Variants in HMCN2 observed in about 807,000 individuals in gnomAD.
HMCN2 encodes the protein hemicentin-2.
A neutral mutation model predicts 377.5 loss-of-function variants in HMCN2; 325 were observed. The observed-to-expected ratio is 0.86, with a 90% CI of 0.79 to 0.94. The LOEUF is 0.94. HMCN2 is among the 40% of genes least tolerant of loss of function. HMCN2 has a pLI of 0.00. For missense variants in HMCN2, 4,543 were observed against 4,725.3 expected (o/e 0.96, Z 1.13); for synonymous variants, 2,007 against 2,046.8 (o/e 0.98, Z 0.53).
intron 1 of HMCN2, among the ~76,000 whole-genome samples, chr9:130,279,739 C>T (rs1385714298): frequency 4.6e-5 from 7 of 152,250 alleles, no homozygotes; most frequent in South Asian, 4.1e-4. Flanking sequence ...TGGTGAAAGC[C>T]GTGGTAGGGT....
At chr9:130,317,879 C>T (rs903335210) in intron 15 of HMCN2, among the ~76,000 whole-genome samples, 22 of 152,122 alleles carry the variant, frequency 1.4e-4, no homozygotes, top group African/African-American at 5.3e-4. Flanking sequence ...TGAAAGCGGT[C>T]TGGGAGGAGA....
At chr9:130,345,190 T>C (rs1370033507) in intron 25 of HMCN2, among the ~76,000 whole-genome samples, 1 of 143,600 alleles carries the variant, frequency 7.0e-6, no homozygotes, top group Non-Finnish European at 1.5e-5. Flanking sequence ...GTGTGTGTAG[T>C]GTGGTTTGTG....
intron 86 of HMCN2, among the ~76,000 whole-genome samples, chr9:130,419,738 G>A (rs143505088): frequency 3.4e-5 from 5 of 146,036 alleles, no homozygotes; most frequent in South Asian, 2.1e-4. Flanking sequence ...CATCTCCCTC[G>A]CTGTCCCTGG....
chr9:130,379,153 C>A, intron 53 of HMCN2, 96 bp from the exon 54 acceptor site: 1 of 288,222 alleles, frequency 3.5e-6, no homozygotes, highest in Non-Finnish European at 5.2e-6. Context: ...TAATGGATTT[C>A]CGCTTGGGAG....
At chr9:130,278,997 A>C (rs1554924626) in intron 1 of HMCN2, among the ~76,000 whole-genome samples, 1 of 150,768 alleles carries the variant, frequency 6.6e-6, no homozygotes, top group African/African-American at 2.4e-5. Flanking sequence ...CCCTGGGTTC[A>C]AGTGATTCTC....
chr9:130,374,180 T>A (rs1473168213), intron 48 of HMCN2, among the ~76,000 whole-genome samples: 1 of 150,406 alleles, frequency 6.6e-6, no homozygotes, highest in African/African-American at 2.4e-5. Context: ...GGTGAGTAGG[T>A]AGATGAATGG....
chr9:130,398,751 C>A, intron 75 of HMCN2, 44 bp downstream of exon 75: 1 of 1,205,626 alleles, frequency 8.3e-7, no homozygotes, highest in South Asian at 1.3e-5. Flanking sequence ...ACGCACAGGG[C>A]GGGGAGGCAC....
At chr9:130,374,785 T>A in intron 49 of HMCN2, 92 bp downstream of exon 49, 2 of 563,846 alleles carry the variant, frequency 3.5e-6, no homozygotes, top group Non-Finnish European at 4.5e-6. Flanking sequence ...CCACAAACCA[T>A]TCTACTATTT....
At chr9:130,371,425 A>C (rs1321539359) in intron 46 of HMCN2, among the ~76,000 whole-genome samples, 2 of 151,574 alleles carry the variant, frequency 1.3e-5, no homozygotes, top group East Asian at 1.9e-4. Context: ...AAAAAAAAAA[A>C]ACAAACTTTG....
At chr9:130,302,010 G>A (rs1554934572) in intron 8 of HMCN2, among the ~76,000 whole-genome samples, 1 of 151,962 alleles carries the variant, frequency 6.6e-6, no homozygotes, top group Non-Finnish European at 1.5e-5. Flanking sequence ...TCTCAAAAAT[G>A]TGTGTGAATT....
intron 46 of HMCN2, 128 bp downstream of exon 46, chr9:130,371,259 C>T (rs1313069552): frequency 2.5e-6 from 1 of 405,070 alleles, no homozygotes; most frequent in East Asian, 1.6e-4. Flanking sequence ...ATTCCAGCTG[C>T]TGGTCCCCAA....
At chr9:130,395,372 G>T (rs767098489) in intron 71 of HMCN2, 25 bp downstream of exon 71, 2 of 1,277,388 alleles carry the variant, frequency 1.6e-6, no homozygotes, top group South Asian at 1.3e-5. Context: ...GGGCCCCAGG[G>T]TGCTGCCTTC....
At chr9:130,286,106 C>T in intron 3 of HMCN2, 82 bp from the exon 4 acceptor site, 3 of 453,896 alleles carry the variant, frequency 6.6e-6, no homozygotes, top group South Asian at 4.9e-5. Flanking sequence ...CCAGGTCACT[C>T]CACCCTGGTC....
chr9:130,355,179 A>G (rs1408191425), intron 32 of HMCN2, 135 bp downstream of exon 32: 1 of 726,164 alleles, frequency 1.4e-6, no homozygotes, highest in Non-Finnish European at 1.9e-6. Context: ...ACATTGCATG[A>G]CACAGATGAG....
intron 22 of HMCN2, 27 bp from the exon 23 acceptor site, chr9:130,337,867 T>A (rs1221151865): frequency 1.3e-5 from 2 of 151,068 alleles, no homozygotes; most frequent in African/African-American, 4.9e-5. Context: ...TCAGTGGGGG[T>A]CTCACCAGTG....
At position 130,429,647 on chromosome 9, in the gene HMCN2, G is replaced by A; in HGVS notation, c.14288G>A (p.Arg4763Lys). The change falls in exon 94 of 98, where the codon AGG becomes AAG. Residue 4763 changes from arginine (R) to lysine (K), a missense_variant. Around this residue, in one of 5 missense-constraint regions of HMCN2, gnomAD observed 1,155 missense variants for 1,157.7 expected, o/e 1.00. Coordinates refer to ENST00000683500, the MANE Select transcript of HMCN2 (RefSeq NM_001291815.2). ...GGCGGTCACCGCTGCAGCTGCCCCAGGGGTTACCGGATGCAGGGCCCCAGC... is the reference window on the plus strand; with the variant it reads ...GGCGGTCACCGCTGCAGCTGCCCCAAGGGTTACCGGATGCAGGGCCCCAGC... Reference protein sequence around the residue: ...TPGGHRCSCPRGYRMQGPSLP... With the variant: ...TPGGHRCSCPKGYRMQGPSLP... The A allele has an allele frequency of 6.5e-7, 1 of 1,546,882 alleles. No individual in the cohort carries two copies. The highest frequency in any genetic ancestry group is 1.4e-5 in the African/African-American group (1 of 73,004).
Position 130,375,662 on chromosome 9 carries a change from T to C in HMCN2, c.7730T>C (p.Phe2577Ser). Residue 2577 changes from phenylalanine to serine, a missense_variant, in exon 50 of 98, where the codon TTC (phenylalanine) becomes TCC (serine). Phe to Ser is a radical substitution (Grantham distance 155, BLOSUM62 -2). Transcript: ENST00000683500. ...TCTCTGATCTGCGAGGCCCTGGCCT[T>C]CCCTTCCCCCAACATCACCTGGATG... ...PISLICEALAFPSPNITWMKD... is the reference protein window; with the variant it reads ...PISLICEALASPSPNITWMKD... The C allele has an allele frequency of 1.0e-6, 1 of 985,914 alleles. No individual in the cohort carries two copies. The highest frequency in any genetic ancestry group is 1.2e-6 in the Non-Finnish European group (1 of 829,986). The allele number at this position is 985,914 out of a possible 1,614,324, so 61.1% of individuals were successfully genotyped here. A position where few individuals can be genotyped will look rare whatever the true frequency, so the allele number is the denominator to read the frequency against.
intron 1 of HMCN2, among the ~76,000 whole-genome samples, chr9:130,280,461 C>T (rs1007215926): frequency 1.3e-5 from 2 of 151,794 alleles, no homozygotes; most frequent in African/African-American, 4.8e-5. Flanking sequence ...CGTGAGCCAC[C>T]GCGCCTGGCC....
intron 22 of HMCN2, among the ~76,000 whole-genome samples, chr9:130,330,543 A>C (rs2131433728): frequency 6.6e-6 from 1 of 152,214 alleles, no homozygotes; most frequent in South Asian, 2.1e-4. Flanking sequence ...ACATAGACGC[A>C]CGCACAGGGA....
Sources: allele counts gnomAD v4.1 joint callset (sites outside exome capture counted in the v4.1 genomes callset), GRCh38; gene constraint gnomAD v4.1.1; regional missense constraint gnomAD v4.1.1; transcripts MANE v1.5; gene names NCBI Gene and HGNC (gene_info 2026-07-23, HGNC 2026-07-21).